The following IQCM variants were observed in gnomAD, a reference collection of about 807,000 sequenced individuals.
IQCM encodes IQ motif containing M.
In IQCM, 45 loss-of-function variants were observed where a neutral mutation model predicts 57.6. The ratio of observed to expected loss-of-function variants is 0.78; its 90% confidence interval spans 0.62 to 1.00. The LOEUF (loss-of-function observed/expected upper bound fraction) is 1.00, where lower values mean the gene tolerates loss of function less well. IQCM is among the 50% of genes least tolerant of loss of function. The probability of loss-of-function intolerance (pLI) is 0.00; values close to 1 mark genes in which losing one functional copy is unlikely to be tolerated. For missense variants in IQCM, 468 were observed against 511.6 expected, an observed-to-expected ratio of 0.91 and a Z score of 0.82; for synonymous variants, 148 against 158.9, an observed-to-expected ratio of 0.93 and a Z score of 0.51.
At chr4:149,696,883 G>C (rs1561168976) in intron 5 of IQCM, among the ~76,000 whole-genome samples, 1 of 152,090 alleles carries the variant, frequency 6.6e-6, no homozygotes, top group Non-Finnish European at 1.5e-5. Context: ...AAACAAGATA[G>C]GGTCAATCTC....
intron 13 of IQCM, among the ~76,000 whole-genome samples, chr4:149,380,372 G>T (rs1232424933): frequency 1.3e-5 from 2 of 152,062 alleles, no homozygotes; most frequent in Non-Finnish European, 2.9e-5. Flanking sequence ...TGGCCCAGAG[G>T]TATGTAACCT....
Position 149,621,191 on chromosome 4 carries a change from C to A in IQCM, c.619G>T (p.Ala207Ser), listed in dbSNP as rs1756301834. ...GFVLTRSFRLACDSRRVSFSQ... is the reference protein window; with the variant it reads ...GFVLTRSFRLSCDSRRVSFSQ... ...AAACTAACTCGACGGGAGTCACAAG[C>A]CAAACGGAAAGACCTTGTCAGCACA... The change falls in exon 8 of 14, where the codon GCT becomes TCT. Residue 207 changes from alanine (A) to serine (S), a missense_variant. Coordinates refer to ENST00000636793, the MANE Select transcript of IQCM (RefSeq NM_001363507.2). 1 of 1,231,976 alleles carries A rather than the reference C, an allele frequency of 8.1e-7. No homozygotes were observed. Among genetic ancestry groups the A allele is most frequent in the Non-Finnish European group, 1.0e-6 (1 of 987,850 alleles). The allele number at this position is 1,231,976 out of a possible 1,614,324, so 76.3% of individuals were successfully genotyped here. A position where few individuals can be genotyped will look rare whatever the true frequency, so the allele number is the denominator to read the frequency against.
At chr4:149,539,687 C>T (rs1747657548) in intron 12 of IQCM, among the ~76,000 whole-genome samples, 1 of 151,874 alleles carries the variant, frequency 6.6e-6, no homozygotes, top group African/African-American at 2.4e-5. Context: ...ATGGTGAAAC[C>T]CCGTCTCTAC....
At chr4:149,644,932 C>T (rs1367934445) in intron 7 of IQCM, among the ~76,000 whole-genome samples, 1 of 152,192 alleles carries the variant, frequency 6.6e-6, no homozygotes, top group Non-Finnish European at 1.5e-5. Flanking sequence ...GTATACCAGC[C>T]TTCTGTATCC....
intron 7 of IQCM, among the ~76,000 whole-genome samples, chr4:149,661,511 G>A (rs1760210517): frequency 6.6e-6 from 1 of 152,146 alleles, no homozygotes; most frequent in Non-Finnish European, 1.5e-5. Context: ...TTATAGAAGA[G>A]TTGAAGGAGC....
intron 13 of IQCM, among the ~76,000 whole-genome samples, chr4:149,356,516 G>T (rs1445871004): frequency 6.6e-6 from 1 of 151,986 alleles, no homozygotes; most frequent in Non-Finnish European, 1.5e-5. Context: ...TTTCCCCATT[G>T]CTTGTTTTTC....
intron 2 of IQCM, among the ~76,000 whole-genome samples, chr4:149,746,915 G>A (rs1271119131): frequency 6.6e-6 from 1 of 152,160 alleles, no homozygotes; most frequent in Non-Finnish European, 1.5e-5. Context: ...GTCTAGACCA[G>A]GCCACTTCTG....
At chr4:149,639,380 C>T (rs1202395285) in intron 7 of IQCM, among the ~76,000 whole-genome samples, 1 of 147,858 alleles carries the variant, frequency 6.8e-6, no homozygotes, top group Admixed American at 6.8e-5. Flanking sequence ...GAGCTATGAT[C>T]GTGCCGCTGC....
chr4:149,601,986 G>A (rs527633749), intron 8 of IQCM, among the ~76,000 whole-genome samples: 4 of 149,172 alleles, frequency 2.7e-5, no homozygotes, highest in African/African-American at 7.4e-5. Context: ...CCCGGGAGGC[G>A]GAGCTTACAG....
intron 12 of IQCM, among the ~76,000 whole-genome samples, chr4:149,469,921 G>A (rs925080119): frequency 6.6e-6 from 1 of 152,114 alleles, no homozygotes; most frequent in Non-Finnish European, 1.5e-5. Flanking sequence ...ACAAACAAAG[G>A]CTGAGAGATT....
intron 12 of IQCM, among the ~76,000 whole-genome samples, chr4:149,475,340 A>G (rs1740065086): frequency 6.6e-6 from 1 of 152,162 alleles, no homozygotes; most frequent in African/African-American, 2.4e-5. Flanking sequence ...TGGAGTTGTC[A>G]TTAACTAAGA....
intron 5 of IQCM, among the ~76,000 whole-genome samples, chr4:149,694,492 T>C (rs911505086): frequency 1.3e-5 from 2 of 152,078 alleles, no homozygotes; most frequent in Admixed American, 1.3e-4. Flanking sequence ...CTTCCACTAA[T>C]TCCCACTGTT....
At chr4:149,453,222 T>C (rs1441794399) in intron 12 of IQCM, among the ~76,000 whole-genome samples, 1 of 151,762 alleles carries the variant, frequency 6.6e-6, no homozygotes, top group Non-Finnish European at 1.5e-5. Context: ...ATGATAGTCC[T>C]AAGTTTGACA....
intron 13 of IQCM, among the ~76,000 whole-genome samples, chr4:149,354,102 C>T (rs1374749609): frequency 2.6e-5 from 4 of 151,808 alleles, no homozygotes; most frequent in African/African-American, 9.7e-5. Context: ...CGGTGGCTCA[C>T]GCCTGTAATC....
intron 13 of IQCM, among the ~76,000 whole-genome samples, chr4:149,412,066 TTGTGTGTGTGTG>T (rs35663253): frequency 1.3e-5 from 2 of 148,730 alleles, no homozygotes; most frequent in African/African-American, 4.9e-5. Context: ...GTGTGTGTGT[TTGTGTGTGTGTG>T]TGTGTGTGTG....
rs543419460 is a variant in IQCM, at chr4:149,594,565, T to C, written c.682-6568A>G. 3.9e-5 allele frequency among the ~76,000 whole-genome samples: 6 copies of C among 152,342 alleles called. No homozygotes were observed. In the East Asian group the frequency reaches 1.2e-3, roughly 29 times the overall value. ...GTGATGTTGGGGTGTCAATTTTAGA[T>C]CTTTCCTGCTTTCCCTTGTGGGCAT... On this transcript the variant is annotated intron_variant, in intron 8 of 13. Coordinates refer to ENST00000636793, the MANE Select transcript of IQCM (RefSeq NM_001363507.2).
intron 2 of IQCM, among the ~76,000 whole-genome samples, chr4:149,813,846 C>T (rs1042234376): frequency 8.5e-5 from 13 of 152,158 alleles, no homozygotes; most frequent in African/African-American, 2.9e-4. Flanking sequence ...AATTATTATT[C>T]CAGAGTCCTT....
intron 9 of IQCM, among the ~76,000 whole-genome samples, chr4:149,583,484 C>A (rs1280567551): frequency 6.6e-6 from 1 of 151,394 alleles, no homozygotes; most frequent in African/African-American, 2.4e-5. Flanking sequence ...ATCAGTCAAG[C>A]ATTTTTAAAA....
chr4:149,702,880 A>G (rs1763872097), intron 5 of IQCM, among the ~76,000 whole-genome samples: 1 of 151,952 alleles, frequency 6.6e-6, no homozygotes, highest in Non-Finnish European at 1.5e-5. Flanking sequence ...AGAGAAACAA[A>G]TAATGACTAA....
Sources: allele counts gnomAD v4.1 joint callset (sites outside exome capture counted in the v4.1 genomes callset), GRCh38; gene constraint gnomAD v4.1.1; transcripts MANE v1.5; gene names NCBI Gene and HGNC (gene_info 2026-07-23, HGNC 2026-07-21).